Variants in GRK5 observed in about 807,000 individuals in gnomAD.
The protein encoded by GRK5 is g protein-coupled receptor kinase GRK5.
A neutral mutation model predicts 78.4 loss-of-function variants in GRK5; 40 were observed. The observed-to-expected ratio is 0.51, with a 90% confidence interval of 0.40 to 0.66. GRK5 has a LOEUF of 0.66. GRK5 is among the 30% of genes least tolerant of loss of function. The probability of loss-of-function intolerance (pLI) is 0.00; values close to 1 mark genes in which losing one functional copy is unlikely to be tolerated. For missense variants in GRK5, 598 were observed against 759.9 expected, an observed-to-expected ratio of 0.79 and a Z score of 2.50; for synonymous variants, 289 against 296.8, an observed-to-expected ratio of 0.97 and a Z score of 0.27.
At chr10:119,396,806 A>G (rs1238774965) in intron 4 of GRK5, 34 bp downstream of exon 4, 1 of 1,530,378 alleles carries the variant, frequency 6.5e-7, no homozygotes, top group African/African-American at 1.4e-5. Flanking sequence ...AGCAGGTGGC[A>G]CAGGAGGCCT....
chr10:119,402,887 T>C (rs1589790347), intron 4 of GRK5, among the ~76,000 whole-genome samples: 1 of 152,130 alleles, frequency 6.6e-6, no homozygotes. Context: ...AAAATACCAA[T>C]TTTTTTGAGA....
At chr10:119,211,850 G>A (rs1344082428) in intron 1 of GRK5, 1 of 152,242 alleles carries the variant, frequency 6.6e-6, no homozygotes, top group Admixed American at 6.5e-5. Flanking sequence ...GGCGTGGACA[G>A]ACTTAACATT....
At chr10:119,240,707 T>C (rs1849010907) in intron 1 of GRK5, among the ~76,000 whole-genome samples, 1 of 152,178 alleles carries the variant, frequency 6.6e-6, no homozygotes, top group Non-Finnish European at 1.5e-5. Context: ...ATTTAAGTTC[T>C]TTGTAGATTC....
intron 4 of GRK5, among the ~76,000 whole-genome samples, chr10:119,398,716 C>T (rs950443075): frequency 4.6e-5 from 7 of 152,240 alleles, no homozygotes; most frequent in African/African-American, 1.4e-4. Context: ...AGGAGAGGCT[C>T]AGGGGAGCTG....
At chr10:119,437,205 G>A (rs559147570) in intron 9 of GRK5, among the ~76,000 whole-genome samples, 34 of 152,318 alleles carry the variant, frequency 2.2e-4, no homozygotes, top group East Asian at 7.7e-4. Context: ...CCTGGTGGCC[G>A]CTATCTGGGA....
At chr10:119,325,484 G>A (rs748638072) in intron 1 of GRK5, among the ~76,000 whole-genome samples, 6 of 152,136 alleles carry the variant, frequency 3.9e-5, no homozygotes, top group East Asian at 3.9e-4. Flanking sequence ...ATACCCACCC[G>A]GAGCAAGCAG....
chr10:119,326,386 G>A (rs116973720), intron 1 of GRK5, 130 bp from the exon 2 acceptor site: 1 of 687,444 alleles, frequency 1.5e-6, no homozygotes, highest in Non-Finnish European at 2.6e-6. Flanking sequence ...TTGGGCTGGG[G>A]GTGTGTCACT....
At chr10:119,394,218 A>AGTATC (rs1851948130) in intron 3 of GRK5, among the ~76,000 whole-genome samples, 42 of 72,234 alleles carry the variant, frequency 5.8e-4, no homozygotes, top group Admixed American at 7.4e-4. Context: ...GTGTGTGGGT[A>AGTATC]CGTGTGGGTG....
intron 2 of GRK5, among the ~76,000 whole-genome samples, chr10:119,363,278 T>G (rs1434499550): frequency 2.5e-5 from 3 of 119,646 alleles, no homozygotes; most frequent in African/African-American, 8.8e-5. Flanking sequence ...TGAAACTGTC[T>G]CAAAAAAAAA....
intron 2 of GRK5, among the ~76,000 whole-genome samples, chr10:119,349,485 C>T (rs182578338): frequency 3.6e-4 from 55 of 152,308 alleles, no homozygotes; most frequent in African/African-American, 1.2e-3. Context: ...GGCAGTTACC[C>T]GCCTGTACTG....
chr10:119,420,576 T>C (rs1589800447), intron 4 of GRK5, among the ~76,000 whole-genome samples: 4 of 150,924 alleles, frequency 2.7e-5, no homozygotes, highest in Non-Finnish European at 5.9e-5. Context: ...TTCTTTCTTT[T>C]TTTTTTTTCT....
Position 119,430,536 on chromosome 10 carries a change from C to G in GRK5, c.597+98C>G. On this transcript the variant is annotated intron_variant, in intron 7 of 15. Transcript: ENST00000392870. The surrounding 1 kb of genome is among the most constrained non-coding windows in gnomAD (Gnocchi z 4.5). ...CCTAAAGGGTTGGCCCACGGGTCCC[C>G]CGGGGGCACCAGTGGCTCAATGTGG... 9.2e-7 allele frequency: 1 copy of G among 1,083,726 alleles called. No individual in the cohort carries two copies. Among genetic ancestry groups the G allele is most frequent in the Non-Finnish European group, 1.4e-6 (1 of 735,922 alleles). 67.1% of individuals were successfully genotyped at this position (1,083,726 alleles called of 1,614,324 possible). A position where few individuals can be genotyped will look rare whatever the true frequency, so the allele number is the denominator to read the frequency against.
At position 119,425,048 on chromosome 10, in the gene GRK5, T is replaced by G. The variant is rs1852646646; in HGVS notation, c.496T>G (p.Phe166Val). ...EPFHEYLDSMFFDRFLQWKWL... is the reference protein window; with the variant it reads ...EPFHEYLDSMVFDRFLQWKWL... ...ATTCCACGAATATCTGGACAGCATG[T>G]TTTTTGACCGCTTTCTCCAGTGGAA... The change falls in exon 6 of 16, where the codon TTT becomes GTT. Residue 166 changes from phenylalanine to valine, a missense_variant. By Grantham distance (50) the Phe-to-Val change is conservative (BLOSUM62 -1). Transcript: ENST00000392870. 1 of 1,613,702 alleles carries G rather than the reference T, an allele frequency of 6.2e-7. No homozygotes were observed. The highest frequency in any genetic ancestry group is 1.3e-5 in the African/African-American group (1 of 74,888).
chr10:119,423,313 A>C, intron 5 of GRK5, 47 bp downstream of exon 5: 5 of 1,325,312 alleles, frequency 3.8e-6, no homozygotes, highest in Non-Finnish European at 5.5e-6. Context: ...CTGCCCAGAG[A>C]TGGGATGCCG....
rs1465939528 is a variant in GRK5 at position 119,453,364 on chromosome 10, A to C, written c.1674+88A>C. ...GGAAACGAGAAGACCCACAGTAGAG[A>C]CCCTTGGAAGGCTTGGAAGTCTGGG... On this transcript the variant is annotated intron_variant, in intron 15 of 15. Transcript: ENST00000392870. 11 of 1,495,282 alleles carry C rather than the reference A, an allele frequency of 7.4e-6. No individual in the cohort carries two copies. The East Asian group carries it at 2.5e-4, about 34-fold the overall frequency. 92.6% of individuals were successfully genotyped at this position (1,495,282 alleles called of 1,614,324 possible). A position where few individuals can be genotyped will look rare whatever the true frequency, so the allele number is the denominator to read the frequency against.
rs1853436736 is a variant in GRK5, at chr10:119,458,600, A to G, written c.*3533A>G. 6.6e-6 allele frequency: 1 copy of G among 151,342 alleles called. No homozygotes were observed. The highest frequency in any genetic ancestry group is 2.1e-4 in the South Asian group (1 of 4,768). The allele number at this position is 151,342 out of a possible 1,614,324, so 9.4% of individuals were successfully genotyped here. A position where few individuals can be genotyped will look rare whatever the true frequency, so the allele number is the denominator to read the frequency against. ...ATACCAGCAAGCAGCTGCCGAGACA[A>G]ATGGTGGTGGGAAGTCCTGGGAACA... On this transcript the variant is annotated 3_prime_UTR_variant, in exon 16 of 16. Coordinates refer to ENST00000392870, the MANE Select transcript of GRK5 (RefSeq NM_005308.3).
At chr10:119,245,060 G>A (rs1026421791) in intron 1 of GRK5, among the ~76,000 whole-genome samples, 1 of 152,090 alleles carries the variant, frequency 6.6e-6, no homozygotes, top group East Asian at 1.9e-4. Flanking sequence ...GGTGGATCAC[G>A]AGGTCAGAAG....
At chr10:119,416,030 G>A (rs914770155) in intron 4 of GRK5, among the ~76,000 whole-genome samples, 1 of 152,314 alleles carries the variant, frequency 6.6e-6, no homozygotes, top group South Asian at 2.1e-4. Flanking sequence ...AAGGATTATC[G>A]GTGGCTCTGG....
intron 10 of GRK5, 146 bp from the exon 11 acceptor site, chr10:119,441,853 C>CA: frequency 1.6e-6 from 1 of 638,050 alleles, no homozygotes; most frequent in East Asian, 2.8e-5. Context: ...CTCTTGTGGT[C>CA]ACTCTGAGAT....
Sources: allele counts gnomAD v4.1 joint callset (sites outside exome capture counted in the v4.1 genomes callset), GRCh38; gene constraint gnomAD v4.1.1; non-coding constraint Gnocchi (gnomAD v3.1); transcripts MANE v1.5; gene names NCBI Gene and HGNC (gene_info 2026-07-23, HGNC 2026-07-21).